TINAG: variants seen among roughly 807,000 people sequenced by gnomAD.
TINAG encodes the protein tubulointerstitial nephritis antigen.
A neutral mutation model predicts 72.7 loss-of-function variants in TINAG; 83 were observed. That is an observed-to-expected ratio of 1.14 (90% confidence interval 0.96 to 1.37). TINAG has a LOEUF of 1.37. Ranked by LOEUF, TINAG falls within the 40% of genes most tolerant of loss-of-function variation. TINAG has a pLI of 0.00. For synonymous variants in TINAG, 234 were observed against 189.9 expected (o/e 1.23, Z -1.91); for missense variants, 685 against 576.6 (o/e 1.19, Z -1.93).
At chr6:54,368,893 T>G (rs1763518807) in intron 9 of TINAG, among the ~76,000 whole-genome samples, 1 of 151,750 alleles carries the variant, frequency 6.6e-6, no homozygotes, top group Admixed American at 6.6e-5. Context: ...ATTCTTACAT[T>G]GAAATTTTGA....
intron 6 of TINAG, among the ~76,000 whole-genome samples, chr6:54,348,641 G>A (rs367571821): frequency 1.1e-4 from 17 of 151,988 alleles, no homozygotes; most frequent in East Asian, 5.8e-4. Flanking sequence ...GGCACTAATC[G>A]TATCTATTAT....
chr6:54,314,652 T>C (rs940951514), intron 1 of TINAG, among the ~76,000 whole-genome samples: 1 of 152,188 alleles, frequency 6.6e-6, no homozygotes, highest in Non-Finnish European at 1.5e-5. Context: ...TGCCTTTTGA[T>C]TAGTTATTAT....
intron 3 of TINAG, among the ~76,000 whole-genome samples, chr6:54,324,350 TG>T (rs1784558293): frequency 6.6e-6 from 1 of 152,170 alleles, no homozygotes; most frequent in Non-Finnish European, 1.5e-5. Flanking sequence ...GGATGTTAAT[TG>T]GGCCATGTTT....
rs1188969141 is a variant in TINAG at position 54,362,579 on chromosome 6, G to A, written c.1250+7943G>A. 1.1e-4 allele frequency among the ~76,000 whole-genome samples: 16 copies of A among 151,610 alleles called. 1 individual carries two copies. In the Admixed American group the frequency reaches 1.1e-3, roughly 10 times the overall value. ...AAGGAGATTAATGTTGTCTTCATGT[G>A]TGCTAACACAATACCCATTCTGCAG... On this transcript the variant is annotated intron_variant, in intron 9 of 10. Transcript: ENST00000259782.
intron 10 of TINAG, among the ~76,000 whole-genome samples, chr6:54,389,545 C>A (rs565991385): frequency 6.6e-6 from 1 of 152,284 alleles, no homozygotes; most frequent in African/African-American, 2.4e-5. Flanking sequence ...AACGCTCAGG[C>A]CTATGTTACC....
chr6:54,324,205 C>G (rs1022204567), intron 3 of TINAG, among the ~76,000 whole-genome samples: 3 of 152,182 alleles, frequency 2.0e-5, no homozygotes, highest in African/African-American at 7.2e-5. Flanking sequence ...TTCATCTTTT[C>G]ACATCAGCAA....
At chr6:54,388,870 A>G (rs952322799) in intron 10 of TINAG, among the ~76,000 whole-genome samples, 1 of 152,138 alleles carries the variant, frequency 6.6e-6, no homozygotes, top group Non-Finnish European at 1.5e-5. Flanking sequence ...TTTCTCAAAT[A>G]CTTTATTTTC....
chr6:54,315,497 A>T lies in TINAG; in HGVS notation c.356-5082A>T, dbSNP rs574474154. Among the ~76,000 whole-genome samples the T allele has an allele frequency of 2.6e-5, 4 of 151,844 alleles. No individual in the cohort carries two copies. The South Asian group carries it at 8.3e-4, about 32-fold the overall frequency. On this transcript the variant is annotated intron_variant, in intron 1 of 10. Coordinates refer to ENST00000259782, the MANE Select transcript of TINAG (RefSeq NM_014464.4). Reference sequence around the variant, plus strand: ...CAGCCTAGCAGTACAATAAGACCTCATCCCCACCAACAACAATAAAAAAAA... The same window carrying T: ...CAGCCTAGCAGTACAATAAGACCTCTTCCCCACCAACAACAATAAAAAAAA...
intron 6 of TINAG, 97 bp downstream of exon 6, chr6:54,347,614 T>G: frequency 7.9e-7 from 1 of 1,271,648 alleles, no homozygotes; most frequent in Non-Finnish European, 1.1e-6. Flanking sequence ...AAAAAAGTAC[T>G]TAAAAATATA....
intron 1 of TINAG, among the ~76,000 whole-genome samples, chr6:54,318,472 T>G (rs1784420860): frequency 6.6e-6 from 1 of 152,104 alleles, no homozygotes; most frequent in Non-Finnish European, 1.5e-5. Context: ...TTGAGTTACC[T>G]CCAAGTTATA....
intron 9 of TINAG, among the ~76,000 whole-genome samples, chr6:54,372,052 C>T (rs2150976203): frequency 8.0e-6 from 1 of 124,906 alleles, no homozygotes; most frequent in South Asian, 2.7e-4. Flanking sequence ...AGTACAATGG[C>T]ATGATCTGGG....
At chr6:54,327,413 T>A (rs1399092191) in intron 4 of TINAG, among the ~76,000 whole-genome samples, 1 of 152,180 alleles carries the variant, frequency 6.6e-6, no homozygotes, top group Non-Finnish European at 1.5e-5. Flanking sequence ...GGATGGTGCA[T>A]TCTGGCCCAG....
At chr6:54,314,801 T>G (rs1256301211) in intron 1 of TINAG, among the ~76,000 whole-genome samples, 1 of 152,176 alleles carries the variant, frequency 6.6e-6, no homozygotes, top group Non-Finnish European at 1.5e-5. Flanking sequence ...TCAATATCCA[T>G]TTTTGCTTGA....
rs1225238512 is a variant in TINAG at position 54,387,865 on chromosome 6, A to T, written c.1297-1926A>T. Among the ~76,000 whole-genome samples, 10 of 152,162 alleles carry T rather than the reference A, an allele frequency of 6.6e-5. No individual in the cohort carries two copies. In the East Asian group the frequency reaches 1.9e-3, roughly 29 times the overall value. On this transcript the variant is annotated intron_variant, in intron 10 of 10. Coordinates refer to ENST00000259782, the MANE Select transcript of TINAG (RefSeq NM_014464.4). Reference sequence around the variant, plus strand: ...AAATAGAAGAAATGAGAGTAGGAAGAATAAGATTAATAAACAAAATACATG... The same window carrying T: ...AAATAGAAGAAATGAGAGTAGGAAGTATAAGATTAATAAACAAAATACATG...
chr6:54,318,947 C>T (rs1398113171), intron 1 of TINAG, among the ~76,000 whole-genome samples: 3 of 151,976 alleles, frequency 2.0e-5, no homozygotes, highest in South Asian at 4.1e-4. Flanking sequence ...GAAGGATGAC[C>T]AAGAAATGGA....
At chr6:54,320,499 TG>T in intron 1 of TINAG, 79 bp from the exon 2 acceptor site, 1 of 1,185,488 alleles carries the variant, frequency 8.4e-7, no homozygotes, top group Non-Finnish European at 1.2e-6. Flanking sequence ...AAGCTAACTA[TG>T]ATTTTTGATT....
intron 10 of TINAG, among the ~76,000 whole-genome samples, chr6:54,381,387 T>C (rs1763945175): frequency 6.6e-6 from 1 of 151,788 alleles, no homozygotes; most frequent in Non-Finnish European, 1.5e-5. Flanking sequence ...ATAAAGTCTA[T>C]GTGGTAATAC....
intron 10 of TINAG, among the ~76,000 whole-genome samples, chr6:54,389,519 C>G (rs1196772814): frequency 6.6e-6 from 1 of 152,188 alleles, no homozygotes. Context: ...ATGCCATCTT[C>G]TGATGTGGCA....
intron 1 of TINAG, among the ~76,000 whole-genome samples, chr6:54,316,710 T>A (rs1216885660): frequency 6.6e-6 from 1 of 152,194 alleles, no homozygotes; most frequent in South Asian, 2.1e-4. Context: ...TAGATACTTA[T>A]AATACACTGT....
Sources: allele counts gnomAD v4.1 joint callset (sites outside exome capture counted in the v4.1 genomes callset), GRCh38; gene constraint gnomAD v4.1.1; transcripts MANE v1.5; gene names NCBI Gene and HGNC (gene_info 2026-07-23, HGNC 2026-07-21).